Variants in ATG7 observed in about 807,000 individuals in gnomAD.
The protein encoded by ATG7 is ubiquitin-like modifier-activating enzyme ATG7.
Under a neutral mutation model 82.4 loss-of-function variants are expected in ATG7, and 70 were observed. That is an observed-to-expected ratio of 0.85 (90% CI 0.70 to 1.04). ATG7 has a LOEUF of 1.04. Among genes scored for constraint, ATG7 ranks in the 50% least tolerant of loss-of-function variants. The pLI, the probability that ATG7 is intolerant of heterozygous loss-of-function variation, is 0.00. For missense variants in ATG7, 792 were observed against 864.3 expected, an observed-to-expected ratio of 0.92 and a Z score of 1.05; for synonymous variants, 287 against 313.0, an observed-to-expected ratio of 0.92 and a Z score of 0.88.
chr3:11,442,148 A>AT lies in ATG7; in HGVS notation c.2079+15223dup, dbSNP rs1322333218. 2.6e-5 allele frequency among the ~76,000 whole-genome samples: 4 copies of AT among 152,288 alleles called. No homozygotes were observed. The East Asian group carries it at 7.7e-4, about 29-fold the overall frequency. On this transcript the variant is annotated intron_variant, in intron 20 of 20. Coordinates refer to ENST00000693202, the MANE Select transcript of ATG7 (RefSeq NM_001349232.2). ...TAACCTGTGGAAATACAATGTTATCATCCAGTACCATGATCGCTAGGCTGA... is the reference window on the plus strand; with the variant it reads ...TAACCTGTGGAAATACAATGTTATCATTCCAGTACCATGATCGCTAGGCTGA...
At chr3:11,472,329 C>T (rs909249109) in intron 20 of ATG7, among the ~76,000 whole-genome samples, 1 of 152,142 alleles carries the variant, frequency 6.6e-6, no homozygotes, top group Non-Finnish European at 1.5e-5. Flanking sequence ...TCCAGGCTTA[C>T]GTCCCCAAGC....
At chr3:11,325,796 A>G (rs1950799995) in intron 9 of ATG7, among the ~76,000 whole-genome samples, 1 of 152,214 alleles carries the variant, frequency 6.6e-6, no homozygotes, top group Non-Finnish European at 1.5e-5. Context: ...AGGTTTATGA[A>G]GTCATTTGCA....
intron 19 of ATG7, among the ~76,000 whole-genome samples, chr3:11,417,814 TA>T (rs1162248693): frequency 0.053 from 2,006 of 38,136 alleles, 58 homozygotes; most frequent in African/African-American, 0.1. Flanking sequence ...TATTTTATTT[TA>T]TTTTTTTTTT....
intron 20 of ATG7, among the ~76,000 whole-genome samples, chr3:11,519,675 T>C (rs1400533023): frequency 1.4e-5 from 2 of 147,052 alleles, no homozygotes; most frequent in Non-Finnish European, 3.0e-5. Flanking sequence ...TTCTCCTGCC[T>C]CAGCCTCCCG....
intron 20 of ATG7, among the ~76,000 whole-genome samples, chr3:11,442,225 C>G (rs75236077): frequency 3.4e-4 from 52 of 152,232 alleles, no homozygotes; most frequent in Non-Finnish European, 5.7e-4. Flanking sequence ...GGCCCAGAAA[C>G]AGGGTGGTCT....
intron 20 of ATG7, among the ~76,000 whole-genome samples, chr3:11,551,605 AT>A (rs1181661280): frequency 6.6e-6 from 1 of 151,676 alleles, no homozygotes; most frequent in Admixed American, 6.6e-5. Flanking sequence ...TAAAGTTTTT[AT>A]TTTTATAGAG....
intron 20 of ATG7, among the ~76,000 whole-genome samples, chr3:11,491,637 C>T (rs1377514281): frequency 6.6e-6 from 1 of 152,090 alleles, no homozygotes; most frequent in Non-Finnish European, 1.5e-5. Context: ...TGGTGATGTA[C>T]AGTTGGGTTT....
the ATG7 span, among the ~76,000 whole-genome samples, chr3:11,571,937 T>C: frequency 1.3e-5 from 2 of 152,142 alleles, no homozygotes; most frequent in Non-Finnish European, 2.9e-5. Flanking sequence ...CAAAACCCTG[T>C]CTCTACTAAA....
At chr3:11,535,119 C>T (rs1015608322) in intron 20 of ATG7, among the ~76,000 whole-genome samples, 1 of 152,240 alleles carries the variant, frequency 6.6e-6, no homozygotes, top group Non-Finnish European at 1.5e-5. Flanking sequence ...TGCTTGGGGG[C>T]CCCCCTTGAG....
At chr3:11,379,151 A>G (rs926477747) in intron 18 of ATG7, among the ~76,000 whole-genome samples, 3 of 152,176 alleles carry the variant, frequency 2.0e-5, no homozygotes, top group African/African-American at 7.2e-5. Flanking sequence ...AAAATGGGGA[A>G]TTTGAAAGGT....
intron 19 of ATG7, among the ~76,000 whole-genome samples, chr3:11,415,781 G>A (rs1279324343): frequency 6.7e-6 from 1 of 149,602 alleles, no homozygotes; most frequent in African/African-American, 2.5e-5. Flanking sequence ...TTTTAAATAA[G>A]TAGAGGGATT....
At chr3:11,570,668 A>T in the ATG7 span, among the ~76,000 whole-genome samples, 1 of 152,238 alleles carries the variant, frequency 6.6e-6, no homozygotes, top group African/African-American at 2.4e-5. Flanking sequence ...AGAGAAAATG[A>T]CTGGTGGCAA....
At chr3:11,543,415 T>G (rs7640360) in intron 20 of ATG7, among the ~76,000 whole-genome samples, 22,109 of 152,284 alleles carry the variant, frequency 0.15, 1,870 homozygotes, top group Middle Eastern at 0.23. Flanking sequence ...TCTTCCCCCC[T>G]GCCTCAGCCC....
intron 16 of ATG7, among the ~76,000 whole-genome samples, chr3:11,361,604 A>G (rs1575700080): frequency 6.6e-6 from 1 of 152,168 alleles, no homozygotes; most frequent in Admixed American, 6.5e-5. Context: ...ATTTTTTGGT[A>G]TATGTCCCAT....
At chr3:11,299,928 C>CTTT (rs34118059) in intron 5 of ATG7, among the ~76,000 whole-genome samples, 1 of 144,494 alleles carries the variant, frequency 6.9e-6, no homozygotes, top group Non-Finnish European at 1.5e-5. Flanking sequence ...AAGAGACACA[C>CTTT]TTTTTTTTTT....
chr3:11,521,908 G>A (rs193130723), intron 20 of ATG7, among the ~76,000 whole-genome samples: 13 of 152,268 alleles, frequency 8.5e-5, no homozygotes, highest in Admixed American at 6.5e-4. Flanking sequence ...CTAGACTGCC[G>A]CCGCTGCCGA....
intron 20 of ATG7, among the ~76,000 whole-genome samples, chr3:11,446,297 G>A (rs547415050): frequency 7.2e-5 from 11 of 151,908 alleles, no homozygotes; most frequent in African/African-American, 2.2e-4. Context: ...CTGTGATAAC[G>A]ATAGAATAAG....
intron 20 of ATG7, among the ~76,000 whole-genome samples, chr3:11,534,430 T>G (rs1029351657): frequency 8.5e-5 from 13 of 152,218 alleles, no homozygotes; most frequent in African/African-American, 3.1e-4. Flanking sequence ...TGTCCTCACA[T>G]CTTCTGCTCA....
chr3:11,478,523 C>T (rs1188511443), intron 20 of ATG7, among the ~76,000 whole-genome samples: 5 of 152,320 alleles, frequency 3.3e-5, no homozygotes, highest in Non-Finnish European at 5.9e-5. Flanking sequence ...CCAGAGAGCA[C>T]GTTTTTAGCC....
Sources: allele counts gnomAD v4.1 joint callset (sites outside exome capture counted in the v4.1 genomes callset), GRCh38; gene constraint gnomAD v4.1.1; transcripts MANE v1.5; gene names NCBI Gene and HGNC (gene_info 2026-07-23, HGNC 2026-07-21).